The following GABRG3 variants were observed in gnomAD, a reference collection of about 807,000 sequenced individuals.
The protein encoded by GABRG3 is gamma-aminobutyric acid type A receptor subunit gamma3.
In GABRG3, 25 loss-of-function variants were observed where a neutral mutation model predicts 48.8. The observed-to-expected ratio is 0.51, with a 90% CI of 0.37 to 0.72. GABRG3 has a LOEUF of 0.72. Ranked by LOEUF, GABRG3 falls within the 30% of genes least tolerant of loss-of-function variation. The pLI is 0.00. For synonymous variants in GABRG3, 227 were observed against 217.6 expected, an observed-to-expected ratio of 1.04 and a Z score of -0.38; for missense variants, 394 against 577.9, an observed-to-expected ratio of 0.68 and a Z score of 3.26.
At chr15:27,208,291 AT>A in intron 3 of GABRG3, 1 of 202,162 alleles carries the variant, frequency 4.9e-6, no homozygotes, top group South Asian at 1.0e-4. Context: ...GCACCTGGCC[AT>A]TTTGAGCCAA....
chr15:27,019,607 A>T (rs1293773474), intron 2 of GABRG3, among the ~76,000 whole-genome samples: 1 of 152,196 alleles, frequency 6.6e-6, no homozygotes, highest in Non-Finnish European at 1.5e-5. Context: ...ACATTAGCAG[A>T]GGGAGAGAAG....
At chr15:27,390,022 C>T (rs1243315358) in intron 5 of GABRG3, among the ~76,000 whole-genome samples, 1 of 152,182 alleles carries the variant, frequency 6.6e-6, no homozygotes, top group African/African-American at 2.4e-5. Context: ...AGAATGTTTA[C>T]AAATATGGAT....
intron 3 of GABRG3, among the ~76,000 whole-genome samples, chr15:27,316,431 T>A (rs1243849062): frequency 2.6e-5 from 4 of 151,430 alleles, no homozygotes; most frequent in Non-Finnish European, 4.4e-5. Context: ...TAAACTGTCT[T>A]CAAGTTGAAA....
chr15:27,532,813 C>T lies in GABRG3; in HGVS notation c.1336C>T (p.Arg446Trp), dbSNP rs1347328325. 6.2e-7 allele frequency: 1 copy of T among 1,613,960 alleles called. No homozygotes were observed. Among genetic ancestry groups the T allele is most frequent in the Non-Finnish European group, 8.5e-7 (1 of 1,179,872 alleles). Residue 446 changes from arginine (R) to tryptophan (W), a missense_variant, in exon 10 of 10, where the codon CGG (arginine) becomes TGG (tryptophan). Around this residue, in one of 3 missense-constraint regions of GABRG3, gnomAD observed 126 missense variants for 155.5 expected, o/e 0.81. Coordinates refer to ENST00000615808, the MANE Select transcript of GABRG3 (RefSeq NM_033223.5). ...IDILELDSYS[R>W]VFFPTSFLLF... ...CATCTTGGAGCTGGACTCGTACTCCCGGGTCTTTTTCCCCACGTCCTTCCT... is the reference window on the plus strand; with the variant it reads ...CATCTTGGAGCTGGACTCGTACTCCTGGGTCTTTTTCCCCACGTCCTTCCT...
chr15:27,473,431 A>G (rs1367250681), intron 5 of GABRG3, among the ~76,000 whole-genome samples: 2 of 152,212 alleles, frequency 1.3e-5, no homozygotes, highest in Non-Finnish European at 2.9e-5. Flanking sequence ...TGTGTTGACT[A>G]AGACTGAATG....
At chr15:26,978,619 T>C (rs1595452096) in intron 2 of GABRG3, among the ~76,000 whole-genome samples, 1 of 152,334 alleles carries the variant, frequency 6.6e-6, no homozygotes, top group East Asian at 1.9e-4. Context: ...TATGAAGTTG[T>C]CAAAAATCAG....
At chr15:27,146,004 C>T (rs188354011) in intron 3 of GABRG3, among the ~76,000 whole-genome samples, 1 of 151,978 alleles carries the variant, frequency 6.6e-6, no homozygotes. Context: ...AATTCTATAT[C>T]CAACAAAGTG....
At chr15:27,049,396 C>G (rs1246618162) in intron 3 of GABRG3, among the ~76,000 whole-genome samples, 2 of 152,222 alleles carry the variant, frequency 1.3e-5, no homozygotes, top group African/African-American at 4.8e-5. Flanking sequence ...TGCTAGCTGT[C>G]TGTGCTTCAC....
intron 5 of GABRG3, among the ~76,000 whole-genome samples, chr15:27,376,199 G>A (rs1033551288): frequency 6.6e-6 from 1 of 152,238 alleles, no homozygotes; most frequent in African/African-American, 2.4e-5. Context: ...TCACACTCAT[G>A]CAAGAGGTAG....
intron 5 of GABRG3, among the ~76,000 whole-genome samples, chr15:27,411,984 T>C (rs987614599): frequency 2.0e-5 from 3 of 152,142 alleles, no homozygotes; most frequent in Non-Finnish European, 2.9e-5. Context: ...TAATTTTGCA[T>C]TTTTGTAAAT....
At chr15:27,177,668 T>G (rs939483720) in intron 3 of GABRG3, among the ~76,000 whole-genome samples, 16 of 152,374 alleles carry the variant, frequency 1.1e-4, no homozygotes, top group Non-Finnish European at 4.4e-5. Flanking sequence ...TTGATTTCTC[T>G]TGCTGTTATA....
At chr15:27,065,973 C>T (rs915108053) in intron 3 of GABRG3, among the ~76,000 whole-genome samples, 3 of 152,200 alleles carry the variant, frequency 2.0e-5, no homozygotes, top group South Asian at 2.1e-4. Flanking sequence ...ATATTCTCTG[C>T]AGGAAGATGA....
At chr15:27,480,882 C>A in intron 6 of GABRG3, 95 bp downstream of exon 6, 1 of 1,494,286 alleles carries the variant, frequency 6.7e-7, no homozygotes, top group Non-Finnish European at 8.9e-7. Context: ...TTTTGGGCAA[C>A]CATGATACAT....
chr15:27,059,963 TTCTTC>T (rs1042581327), intron 3 of GABRG3, among the ~76,000 whole-genome samples: 4 of 152,258 alleles, frequency 2.6e-5, no homozygotes, highest in African/African-American at 7.2e-5. Context: ...TTTTTAGATT[TTCTTC>T]TCTTAAGTAG....
intron 5 of GABRG3, chr15:27,428,050 T>C (rs1001176067): frequency 2.6e-5 from 4 of 152,250 alleles, no homozygotes; most frequent in Admixed American, 2.0e-4. Context: ...CCTGGCTAAT[T>C]TTTTTTTAAT....
intron 5 of GABRG3, among the ~76,000 whole-genome samples, chr15:27,348,082 G>A (rs1332090582): frequency 6.7e-6 from 1 of 149,564 alleles, no homozygotes; most frequent in East Asian, 2.0e-4. Flanking sequence ...GGGGATTTCT[G>A]GAGGCGGAGG....
chr15:27,152,861 A>AT (rs1187163963), intron 3 of GABRG3, among the ~76,000 whole-genome samples: 16,949 of 139,024 alleles, frequency 0.12, 1,235 homozygotes, highest in African/African-American at 0.18. Context: ...TTTCGAGTTA[A>AT]TTTTTTTTTT....
In GABRG3 at chr15:27,475,667, A is replaced by G. The variant is rs138757189; in HGVS notation, c.575-4983A>G. On this transcript the variant is annotated intron_variant, in intron 5 of 9. Transcript: ENST00000615808. ...TGGTGATAGTGATGATGTTGGTGAT[A>G]GTAATCATGTTGGTGGTGTTGGTGA... 2.0e-3 allele frequency among the ~76,000 whole-genome samples: 306 copies of G among 151,714 alleles called. 2 individuals carry two copies. Among genetic ancestry groups the G allele is most frequent in the East Asian group, 9.8e-3 (50 of 5,118 alleles).
At chr15:27,019,055 C>CTTTTTTT (rs9331868) in intron 2 of GABRG3, among the ~76,000 whole-genome samples, 7 of 42,034 alleles carry the variant, frequency 1.7e-4, no homozygotes, top group African/African-American at 5.2e-4. Flanking sequence ...TCCCTAGAGT[C>CTTTTTTT]TTTTTTTTTT....
Sources: allele counts gnomAD v4.1 joint callset (sites outside exome capture counted in the v4.1 genomes callset), GRCh38; gene constraint gnomAD v4.1.1; regional missense constraint gnomAD v4.1.1; transcripts MANE v1.5; gene names NCBI Gene and HGNC (gene_info 2026-07-23, HGNC 2026-07-21).